ITGB5: variants seen among roughly 807,000 people sequenced by gnomAD.
The protein encoded by ITGB5 is integrin subunit beta 5.
A neutral mutation model predicts 84.8 loss-of-function variants in ITGB5; 38 were observed. The ratio of observed to expected loss-of-function variants is 0.45; its 90% CI spans 0.35 to 0.59. The LOEUF is 0.59. ITGB5 is among the 20% of genes least tolerant of loss of function. The probability of loss-of-function intolerance (pLI) is 0.01; values close to 1 mark genes in which losing one functional copy is unlikely to be tolerated. For missense variants in ITGB5, 905 were observed against 1,034.5 expected (o/e 0.87, Z 1.72); for synonymous variants, 393 against 414.4 (o/e 0.95, Z 0.63).
At chr3:124,898,439 C>T (rs1160536909) in intron 1 of ITGB5, among the ~76,000 whole-genome samples, 2 of 147,768 alleles carry the variant, frequency 1.4e-5, no homozygotes. Flanking sequence ...GTCAGGAGAT[C>T]GAGACCATCC....
At chr3:124,900,886 A>G (rs74325587) in intron 1 of ITGB5, among the ~76,000 whole-genome samples, 63 of 152,366 alleles carry the variant, frequency 4.1e-4, no homozygotes, top group African/African-American at 1.5e-3. Flanking sequence ...TTTATGCACC[A>G]TTAATATGAC....
intron 3 of ITGB5, 102 bp downstream of exon 3, chr3:124,859,140 T>C (rs2065260109): frequency 8.8e-7 from 1 of 1,132,126 alleles, no homozygotes; most frequent in African/African-American, 1.5e-5. Context: ...GTGGCTCTGA[T>C]CTCAGCCTGG....
intron 12 of ITGB5, among the ~76,000 whole-genome samples, chr3:124,768,050 ACAGAGACC>A (rs2063791339): frequency 1.3e-5 from 2 of 152,214 alleles, no homozygotes; most frequent in Non-Finnish European, 2.9e-5. Flanking sequence ...AGCCTGGGTG[ACAGAGACC>A]CTGTCTCGAG....
At chr3:124,793,919 A>C (rs1385090530) in intron 10 of ITGB5, among the ~76,000 whole-genome samples, 2 of 152,176 alleles carry the variant, frequency 1.3e-5, no homozygotes, top group Non-Finnish European at 2.9e-5. Context: ...GGGTGTACTC[A>C]CGCTTGTGTC....
At position 124,876,968 on chromosome 3, in the gene ITGB5, TTTG is replaced by T. The variant is rs1256516654; in HGVS notation, c.71-3440_71-3438del. Reference sequence around the variant, plus strand: ...TTCTTTTCTTTTTTTTGATTTCTTGTTTGTTTTTTTTTCTTTGTTTGAAACAGG... The same window carrying T: ...TTCTTTTCTTTTTTTTGATTTCTTGTTTTTTTTTTCTTTGTTTGAAACAGG... On this transcript the variant is annotated intron_variant, in intron 1 of 14. Coordinates refer to ENST00000296181, the MANE Select transcript of ITGB5 (RefSeq NM_002213.5). Among the ~76,000 whole-genome samples, 23 of 146,094 alleles carry T rather than the reference TTTG, an allele frequency of 1.6e-4. No individual in the cohort carries two copies. In the East Asian group the frequency reaches 4.5e-3, roughly 29 times the overall value.
upstream of ITGB5, chr3:124,887,778 A>G (rs1286524537): frequency 2.5e-6 from 1 of 402,070 alleles, no homozygotes; most frequent in East Asian, 8.4e-5. Context: ...GTACCGCCTC[A>G]TCCTCCCAAA....
intron 2 of ITGB5, among the ~76,000 whole-genome samples, chr3:124,871,838 T>G (rs1934067110): frequency 6.9e-6 from 1 of 144,044 alleles, no homozygotes; most frequent in African/African-American, 2.6e-5. Flanking sequence ...AAAATAAAAA[T>G]AAAAATAAAA....
intron 8 of ITGB5, chr3:124,809,473 C>G: frequency 3.9e-6 from 1 of 255,950 alleles, no homozygotes; most frequent in Non-Finnish European, 7.7e-6. Flanking sequence ...AGAGCCACCT[C>G]TCATCCCCAT....
intron 2 of ITGB5, among the ~76,000 whole-genome samples, chr3:124,872,582 G>A (rs974564550): frequency 2.0e-5 from 3 of 152,104 alleles, no homozygotes; most frequent in Non-Finnish European, 4.4e-5. Context: ...GCACTGCATT[G>A]CAGACTGAGC....
chr3:124,871,712 AG>A, intron 2 of ITGB5, among the ~76,000 whole-genome samples: 2 of 152,136 alleles, frequency 1.3e-5, no homozygotes, highest in East Asian at 3.9e-4. Context: ...CTGTAGTCCC[AG>A]CTACCTGGTG....
chr3:124,764,955 G>A (rs1453632459), intron 13 of ITGB5, among the ~76,000 whole-genome samples: 2 of 152,218 alleles, frequency 1.3e-5, no homozygotes, highest in Non-Finnish European at 2.9e-5. Flanking sequence ...CACAAGGTCT[G>A]GGCTGGGGGC....
chr3:124,860,343 A>C (rs897865778), intron 2 of ITGB5, among the ~76,000 whole-genome samples: 68 of 152,344 alleles, frequency 4.5e-4, no homozygotes, highest in African/African-American at 1.1e-3. Context: ...GGAAAAAAAA[A>C]CCCAAAATAT....
chr3:124,893,723 T>G (rs2107660572), intron 1 of ITGB5, among the ~76,000 whole-genome samples: 1 of 152,308 alleles, frequency 6.6e-6, no homozygotes, highest in East Asian at 1.9e-4. Flanking sequence ...TCAGTAATTT[T>G]TGTTTGATGG....
chr3:124,851,608 AACACAC>A (rs3836319), intron 3 of ITGB5, among the ~76,000 whole-genome samples: 139 of 146,034 alleles, frequency 9.5e-4, no homozygotes, highest in East Asian at 5.7e-3. Flanking sequence ...TCAGTAAGAA[AACACAC>A]ACACACACAC....
rs111925490 is a variant in ITGB5, at chr3:124,783,876, T to C, written c.1694-9964A>G. Among the ~76,000 whole-genome samples the C allele has an allele frequency of 3.0e-3, 456 of 152,308 alleles. 3 individuals are homozygous for C. The highest frequency in any genetic ancestry group is 0.017 in the Middle Eastern group (5 of 294). On this transcript the variant is annotated intron_variant, in intron 10 of 14. Transcript: ENST00000296181. ...TTAGAGATACAAACAATGACACATC[T>C]TTAGTCTCAGGGACAGCTGCTCCTC...
At chr3:124,801,249 C>A (rs536682108) in intron 9 of ITGB5, among the ~76,000 whole-genome samples, 4 of 152,272 alleles carry the variant, frequency 2.6e-5, no homozygotes, top group African/African-American at 9.6e-5. Flanking sequence ...TTTGTTGAAG[C>A]CAGTTCCTGA....
intron 10 of ITGB5, among the ~76,000 whole-genome samples, chr3:124,787,909 C>CTTTTTTTT (rs35730935): frequency 7.3e-6 from 1 of 137,698 alleles, no homozygotes. Context: ...ACAGATAGCT[C>CTTTTTTTT]TTTTTTTTTT....
intron 8 of ITGB5, 27 bp downstream of exon 8, chr3:124,817,594 C>T (rs2064624588): frequency 2.4e-6 from 3 of 1,239,548 alleles, no homozygotes; most frequent in Admixed American, 2.1e-5. Context: ...AGGGAGGTGG[C>T]AGTGGGGGAA....
chr3:124,796,650 G>T lies in ITGB5; in HGVS notation c.1431C>A (p.Asn477Lys), dbSNP rs367812483. The T allele has an allele frequency of 6.2e-7, 1 of 1,613,870 alleles. No individual in the cohort carries two copies. Among genetic ancestry groups the T allele is most frequent in the South Asian group, 1.1e-5 (1 of 91,072 alleles). Reference protein sequence around the residue: ...VGLEPNSARCNGSGTYVCGLC... With the variant: ...VGLEPNSARCKGSGTYVCGLC... ...GGCCGCAGACATAGGTCCCGCTCCC[G>T]TTGCACCTGGCGCTGTTGGGTTCCA... The change falls in exon 10 of 15, where the codon AAC becomes AAA. Residue 477 changes from asparagine (N) to lysine (K), a missense_variant. Physicochemically the swap from Asn to Lys is moderately conservative, Grantham distance 94. Coordinates refer to ENST00000296181, the MANE Select transcript of ITGB5 (RefSeq NM_002213.5).
Sources: gnomAD v4.1 joint callset for allele counts (sites outside exome capture counted in the v4.1 genomes callset) on GRCh38, gnomAD v4.1.1 for gene constraint, MANE v1.5 for transcripts, NCBI Gene and HGNC (gene_info 2026-07-23, HGNC 2026-07-21) for gene names.